Variants in KCNB2 observed in about 807,000 individuals in gnomAD.
The protein encoded by KCNB2 is delayed rectifier potassium channel protein.
In KCNB2, 15 loss-of-function variants were observed where a neutral mutation model predicts 61.5. The observed-to-expected ratio is 0.24, with a 90% CI of 0.16 to 0.38. The LOEUF (loss-of-function observed/expected upper bound fraction) is 0.38, where lower values mean the gene tolerates loss of function less well. Ranked by LOEUF, KCNB2 falls within the 10% of genes least tolerant of loss-of-function variation. The probability of loss-of-function intolerance (pLI) is 1.00; values close to 1 mark genes in which losing one functional copy is unlikely to be tolerated. For synonymous variants in KCNB2, 457 were observed against 446.0 expected (o/e 1.02, Z -0.31); for missense variants, 828 against 1,125.2 (o/e 0.74, Z 3.78).
Position 72,638,482 on chromosome 8 carries a change from C to T in KCNB2, c.579+70169C>T, listed in dbSNP as rs115671990. Among the ~76,000 whole-genome samples, 797 of 152,272 alleles carry T rather than the reference C, an allele frequency of 5.2e-3. 10 individuals are homozygous for T. Among genetic ancestry groups the T allele is most frequent in the African/African-American group, 0.018 (749 of 41,562 alleles). The stretch of plus-strand genomic sequence containing the variant: ...AATAACTACATGATGATCTGTTCTT[C>T]ACAGTTGAAGGTAAAGCCCCTTTTG... On this transcript the variant is annotated intron_variant, in intron 2 of 2. Transcript: ENST00000523207.
chr8:72,617,604 A>G (rs1279090792), intron 2 of KCNB2, among the ~76,000 whole-genome samples: 1 of 151,936 alleles, frequency 6.6e-6, no homozygotes, highest in African/African-American at 2.4e-5. Context: ...GTGCAAAAAA[A>G]AAAAAAAATG....
At chr8:72,759,658 G>A (rs558749303) in intron 2 of KCNB2, among the ~76,000 whole-genome samples, 2 of 152,264 alleles carry the variant, frequency 1.3e-5, no homozygotes, top group African/African-American at 2.4e-5. Context: ...CACCATTCCT[G>A]TACTTTGGAA....
intron 2 of KCNB2, among the ~76,000 whole-genome samples, chr8:72,744,403 A>G (rs545248195): frequency 1.7e-4 from 26 of 152,306 alleles, no homozygotes; most frequent in Non-Finnish European, 2.6e-4. Flanking sequence ...TTACTATTCC[A>G]TGGGCCAAGG....
chr8:72,701,226 A>G (rs1325860886), intron 2 of KCNB2, among the ~76,000 whole-genome samples: 1 of 152,164 alleles, frequency 6.6e-6, no homozygotes, highest in Non-Finnish European at 1.5e-5. Context: ...GTCTAAAATA[A>G]AAGTTAAAAT....
intron 2 of KCNB2, among the ~76,000 whole-genome samples, chr8:72,868,943 T>A (rs1805575271): frequency 6.6e-6 from 1 of 152,184 alleles, no homozygotes; most frequent in Admixed American, 6.5e-5. Context: ...TCTTCCTTTT[T>A]TCCACCAAAG....
chr8:72,854,978 C>T (rs1016689415), intron 2 of KCNB2, among the ~76,000 whole-genome samples: 1 of 152,168 alleles, frequency 6.6e-6, no homozygotes, highest in African/African-American at 2.4e-5. Context: ...CCACATCAAG[C>T]GACTGTGCCC....
At chr8:72,680,661 G>A (rs1806735716) in intron 2 of KCNB2, among the ~76,000 whole-genome samples, 2 of 152,172 alleles carry the variant, frequency 1.3e-5, no homozygotes, top group South Asian at 4.1e-4. Context: ...TCTATAAAGT[G>A]AGGATGTGAC....
At chr8:72,608,226 G>A (rs560706192) in intron 2 of KCNB2, among the ~76,000 whole-genome samples, 21 of 152,246 alleles carry the variant, frequency 1.4e-4, no homozygotes, top group African/African-American at 5.1e-4. Flanking sequence ...TGGCAGATGG[G>A]GGTGGGCATT....
intron 2 of KCNB2, among the ~76,000 whole-genome samples, chr8:72,898,191 C>T (rs1206648305): frequency 6.6e-6 from 1 of 151,782 alleles, no homozygotes; most frequent in South Asian, 2.1e-4. Context: ...CCTTTGGAAA[C>T]ATTGAACACC....
At chr8:72,540,326 A>G (rs1259011139) in intron 1 of KCNB2, among the ~76,000 whole-genome samples, 1 of 152,170 alleles carries the variant, frequency 6.6e-6, no homozygotes, top group African/African-American at 2.4e-5. Context: ...TAAGGAAAAT[A>G]TATAAAGGTA....
chr8:72,788,041 T>C (rs541264997), intron 2 of KCNB2, among the ~76,000 whole-genome samples: 2 of 152,340 alleles, frequency 1.3e-5, no homozygotes, highest in Admixed American at 6.5e-5. Flanking sequence ...GATGGTAATA[T>C]ATCTACTTCT....
In KCNB2 at chr8:72,904,706, C is replaced by T. The variant is rs183720980; in HGVS notation, c.580-31229C>T. ...TAAGTTTTAGGGTACATGTGCACAA[C>T]GTTTTATTTTTTTAAATGTTTCTTC... On this transcript the variant is annotated intron_variant, in intron 2 of 2. Coordinates refer to ENST00000523207, the MANE Select transcript of KCNB2 (RefSeq NM_004770.3). Among the ~76,000 whole-genome samples, 134 of 151,772 alleles carry T rather than the reference C, an allele frequency of 8.8e-4. 1 individual carries two copies. The highest frequency in any genetic ancestry group is 3.0e-3 in the African/African-American group (126 of 41,402).
intron 2 of KCNB2, among the ~76,000 whole-genome samples, chr8:72,740,108 C>G (rs1322797069): frequency 6.6e-6 from 1 of 152,122 alleles, no homozygotes; most frequent in Non-Finnish European, 1.5e-5. Context: ...TGTGTTGTAT[C>G]TTCTTTCTAA....
intron 2 of KCNB2, among the ~76,000 whole-genome samples, chr8:72,748,608 TGTTG>T (rs1374325616): frequency 5.2e-5 from 6 of 114,584 alleles, no homozygotes; most frequent in Admixed American, 8.9e-5. Flanking sequence ...GTTTTTTTTT[TGTTG>T]TTTTTTTTTT....
chr8:72,826,759 T>G (rs932151405), intron 2 of KCNB2, among the ~76,000 whole-genome samples: 7 of 152,230 alleles, frequency 4.6e-5, no homozygotes, highest in Non-Finnish European at 7.3e-5. Context: ...TGAAAAGAAC[T>G]AATTTCTTCA....
At chr8:72,786,261 T>C (rs1808844571) in intron 2 of KCNB2, among the ~76,000 whole-genome samples, 2 of 152,194 alleles carry the variant, frequency 1.3e-5, no homozygotes, top group African/African-American at 4.8e-5. Flanking sequence ...ATTTTGCTCA[T>C]GAATACCCGT....
chr8:72,801,227 C>A (rs1289137570), intron 2 of KCNB2, among the ~76,000 whole-genome samples: 1 of 152,196 alleles, frequency 6.6e-6, no homozygotes, highest in Non-Finnish European at 1.5e-5. Context: ...GCATAGTAGT[C>A]ATCATATACC....
rs181889357 is a variant in KCNB2 at position 72,892,293 on chromosome 8, G to A, written c.580-43642G>A. On this transcript the variant is annotated intron_variant, in intron 2 of 2. Transcript: ENST00000523207. ...GGGGGAGATAACAAGGTCTGTGTGT[G>A]TGGAAGGCAGCCCCAGAAGCAGTGA... Among the ~76,000 whole-genome samples, 12 of 152,252 alleles carry A rather than the reference G, an allele frequency of 7.9e-5. No individual in the cohort carries two copies. In the East Asian group the frequency reaches 2.3e-3, roughly 29 times the overall value.
intron 1 of KCNB2, among the ~76,000 whole-genome samples, chr8:72,540,098 G>GT: frequency 6.6e-6 from 1 of 152,248 alleles, no homozygotes; most frequent in Admixed American, 6.5e-5. Context: ...TCTTGAATGC[G>GT]TATCTGGCAT....
Sources: gnomAD v4.1 joint callset for allele counts (sites outside exome capture counted in the v4.1 genomes callset) on GRCh38, gnomAD v4.1.1 for gene constraint, MANE v1.5 for transcripts, NCBI Gene and HGNC (gene_info 2026-07-23, HGNC 2026-07-21) for gene names.